NELL1: variants seen among roughly 807,000 people sequenced by gnomAD.
NELL1 encodes protein kinase C-binding protein NELL1.
A neutral mutation model predicts 107.4 loss-of-function variants in NELL1; 76 were observed. The ratio of observed to expected loss-of-function variants is 0.71; its 90% CI spans 0.59 to 0.86. The LOEUF (loss-of-function observed/expected upper bound fraction) is 0.86. NELL1 is among the 40% of genes least tolerant of loss of function. NELL1 has a pLI of 0.00. For missense variants in NELL1, 1,024 were observed against 1,005.5 expected, an observed-to-expected ratio of 1.02 and a Z score of -0.25; for synonymous variants, 353 against 341.2, an observed-to-expected ratio of 1.03 and a Z score of -0.38.
chr11:21,459,074 T>A (rs1422729422), intron 15 of NELL1, among the ~76,000 whole-genome samples: 1 of 152,054 alleles, frequency 6.6e-6, no homozygotes, highest in Non-Finnish European at 1.5e-5. Flanking sequence ...TCATACCCAA[T>A]TCACAGTCCA....
At chr11:20,836,816 A>G (rs1048065944) in intron 3 of NELL1, among the ~76,000 whole-genome samples, 6 of 89,410 alleles carry the variant, frequency 6.7e-5, no homozygotes, top group Non-Finnish European at 2.0e-4. Flanking sequence ...GGAGAGCTAA[A>G]TAGGTGAAAA....
intron 4 of NELL1, among the ~76,000 whole-genome samples, chr11:20,879,258 G>C (rs912194021): frequency 1.3e-5 from 2 of 152,184 alleles, no homozygotes; most frequent in Non-Finnish European, 2.9e-5. Context: ...ATGCTGAAGA[G>C]CTGAGGAATG....
At chr11:21,459,705 C>A (rs2133870363) in intron 15 of NELL1, among the ~76,000 whole-genome samples, 1 of 152,144 alleles carries the variant, frequency 6.6e-6, no homozygotes, top group South Asian at 2.1e-4. Flanking sequence ...GACTGTGAAG[C>A]ATGTTTCAAA....
Position 21,170,666 on chromosome 11 carries a change from C to T in NELL1, c.1426+56952C>T, listed in dbSNP as rs193100021. On this transcript the variant is annotated intron_variant, in intron 13 of 19. Coordinates refer to ENST00000357134, the MANE Select transcript of NELL1 (RefSeq NM_006157.5). Reference sequence around the variant, plus strand: ...TGTGTCTTTCCAGTATATATATATACTGTATTATATATATACTGTAGTTTA... The same window carrying T: ...TGTGTCTTTCCAGTATATATATATATTGTATTATATATATACTGTAGTTTA... Among the ~76,000 whole-genome samples, 70 of 145,474 alleles carry T rather than the reference C, an allele frequency of 4.8e-4. 2 individuals are homozygous for T. In the East Asian group the frequency reaches 0.014, roughly 29 times the overall value.
chr11:21,480,177 G>A (rs1178121324), intron 15 of NELL1, among the ~76,000 whole-genome samples: 1 of 152,100 alleles, frequency 6.6e-6, no homozygotes. Context: ...TCTAATGATT[G>A]ACTCTCTGTT....
chr11:21,176,687 T>G (rs1250700035), intron 13 of NELL1, among the ~76,000 whole-genome samples: 4 of 151,898 alleles, frequency 2.6e-5, no homozygotes, highest in Non-Finnish European at 5.9e-5. Flanking sequence ...GCACTTTGCC[T>G]ACGTTTGCGT....
intron 14 of NELL1, among the ~76,000 whole-genome samples, chr11:21,270,734 A>T (rs1483137296): frequency 6.6e-6 from 1 of 152,126 alleles, no homozygotes; most frequent in Non-Finnish European, 1.5e-5. Flanking sequence ...CATTCTTCTC[A>T]AGCTCACATG....
intron 14 of NELL1, chr11:21,284,509 C>T (rs1218821424): frequency 8.7e-6 from 4 of 459,546 alleles, no homozygotes; most frequent in Non-Finnish European, 1.8e-5. Context: ...GAGGTGGCAT[C>T]CCGCTATCCT....
intron 5 of NELL1, among the ~76,000 whole-genome samples, chr11:20,910,548 AG>A (rs1256700891): frequency 6.6e-6 from 1 of 152,060 alleles, no homozygotes; most frequent in Admixed American, 6.5e-5. Flanking sequence ...GAGCAGTCCC[AG>A]GGGGGCCGTG....
intron 15 of NELL1, among the ~76,000 whole-genome samples, chr11:21,507,539 T>A (rs1855311748): frequency 6.6e-6 from 1 of 152,194 alleles, no homozygotes; most frequent in Admixed American, 6.5e-5. Flanking sequence ...ACTTCAGTAA[T>A]CAAAATCTGT....
chr11:21,196,383 A>T (rs1284679197), intron 13 of NELL1, among the ~76,000 whole-genome samples: 1 of 151,996 alleles, frequency 6.6e-6, no homozygotes, highest in Admixed American at 6.6e-5. Context: ...TTCCTACCTT[A>T]ATCCCATTTT....
At chr11:20,965,590 A>G (rs1270715039) in intron 12 of NELL1, among the ~76,000 whole-genome samples, 1 of 152,220 alleles carries the variant, frequency 6.6e-6, no homozygotes, top group African/African-American at 2.4e-5. Context: ...TTGGAAAAAC[A>G]CAAGTGGAAT....
chr11:20,913,394 A>G (rs889851945), intron 5 of NELL1, among the ~76,000 whole-genome samples: 3 of 152,164 alleles, frequency 2.0e-5, no homozygotes, highest in African/African-American at 7.2e-5. Flanking sequence ...TTTTGTTTGT[A>G]TCAGAAAGCT....
At chr11:21,473,709 C>T (rs146687089) in intron 15 of NELL1, among the ~76,000 whole-genome samples, 278 of 152,010 alleles carry the variant, frequency 1.8e-3, no homozygotes, top group Non-Finnish European at 3.0e-3. Context: ...AATTTGTATG[C>T]GATCAGTTCA....
At chr11:20,819,258 C>T (rs568619791) in intron 3 of NELL1, among the ~76,000 whole-genome samples, 16 of 152,284 alleles carry the variant, frequency 1.1e-4, no homozygotes, top group South Asian at 8.3e-4. Flanking sequence ...TAGATAAAAG[C>T]GGCAGAGTCT....
intron 15 of NELL1, among the ~76,000 whole-genome samples, chr11:21,448,319 T>A (rs954699459): frequency 6.6e-6 from 1 of 152,164 alleles, no homozygotes; most frequent in Non-Finnish European, 1.5e-5. Flanking sequence ...TATTAAAATT[T>A]TTTTATGCTA....
intron 12 of NELL1, among the ~76,000 whole-genome samples, chr11:21,032,077 A>G (rs536215318): frequency 6.7e-6 from 1 of 148,326 alleles, no homozygotes; most frequent in African/African-American, 2.5e-5. Context: ...TAATAATAAT[A>G]ATAATAATGA....
At chr11:21,417,495 T>G (rs199664779) in intron 15 of NELL1, among the ~76,000 whole-genome samples, 1 of 152,100 alleles carries the variant, frequency 6.6e-6, no homozygotes, top group East Asian at 1.9e-4. Flanking sequence ...GAAGGATAGC[T>G]TGTTTGTCTC....
intron 17 of NELL1, among the ~76,000 whole-genome samples, chr11:21,563,505 A>C (rs1399838592): frequency 6.6e-6 from 1 of 152,026 alleles, no homozygotes; most frequent in East Asian, 1.9e-4. Context: ...GATTCAACCA[A>C]CCCCAGATCA....
Sources: allele counts gnomAD v4.1 joint callset (sites outside exome capture counted in the v4.1 genomes callset), GRCh38; gene constraint gnomAD v4.1.1; transcripts MANE v1.5; gene names NCBI Gene and HGNC (gene_info 2026-07-23, HGNC 2026-07-21).